ATP9B: variants seen among roughly 807,000 people sequenced by gnomAD.
The protein encoded by ATP9B is ATPase phospholipid transporting 9B.
In ATP9B, 110 loss-of-function variants were observed where a neutral mutation model predicts 146.1. The observed-to-expected ratio is 0.75, with a 90% CI of 0.65 to 0.88. ATP9B has a LOEUF of 0.88. Ranked by LOEUF, ATP9B falls within the 40% of genes least tolerant of loss-of-function variation. The pLI, the probability that ATP9B is intolerant of heterozygous loss-of-function variation, is 0.00. For synonymous variants in ATP9B, 604 were observed against 569.7 expected (o/e 1.06, Z -0.86); for missense variants, 1,499 against 1,496.4 (o/e 1.00, Z -0.03).
intron 25 of ATP9B, 125 bp from the exon 26 acceptor site, chr18:79,359,229 C>A: frequency 1.5e-6 from 1 of 661,560 alleles, no homozygotes; most frequent in Non-Finnish European, 2.6e-6. Flanking sequence ...TGCCAACTTA[C>A]TTTGTTGGTT....
intron 23 of ATP9B, among the ~76,000 whole-genome samples, chr18:79,347,447 G>A (rs991452107): frequency 6.6e-5 from 10 of 152,198 alleles, no homozygotes; most frequent in African/African-American, 2.4e-4. Flanking sequence ...CGACAGGGCG[G>A]GCCCACACTC....
intron 5 of ATP9B, among the ~76,000 whole-genome samples, chr18:79,128,561 G>A (rs987557545): frequency 3.3e-5 from 5 of 152,140 alleles, no homozygotes; most frequent in African/African-American, 1.2e-4. Context: ...GTAAGCCTTA[G>A]TATTGGAGAA....
At chr18:79,240,654 AGAATCGCTT>A (rs2095879041) in intron 11 of ATP9B, among the ~76,000 whole-genome samples, 1 of 152,236 alleles carries the variant, frequency 6.6e-6, no homozygotes, top group Non-Finnish European at 1.5e-5. Flanking sequence ...CTGAGGCAGG[AGAATCGCTT>A]GAACCTGGGA....
At chr18:79,351,434 G>A (rs2096921840) in intron 25 of ATP9B, among the ~76,000 whole-genome samples, 1 of 152,204 alleles carries the variant, frequency 6.6e-6, no homozygotes, top group African/African-American at 2.4e-5. Flanking sequence ...TCTGAATTGG[G>A]TTAGGTGGGA....
At chr18:79,162,493 C>T (rs2094898363) in intron 7 of ATP9B, among the ~76,000 whole-genome samples, 1 of 152,154 alleles carries the variant, frequency 6.6e-6, no homozygotes, top group African/African-American at 2.4e-5. Flanking sequence ...TTATAAATGT[C>T]AATATCTTTT....
chr18:79,245,121 C>G (rs762956837), intron 11 of ATP9B, among the ~76,000 whole-genome samples: 27 of 152,292 alleles, frequency 1.8e-4, no homozygotes, highest in Non-Finnish European at 3.7e-4. Context: ...GCAGAGCTTG[C>G]TGGCTTGTTT....
chr18:79,204,258 G>A (rs138343307), intron 9 of ATP9B, among the ~76,000 whole-genome samples: 32 of 152,304 alleles, frequency 2.1e-4, no homozygotes, highest in Admixed American at 7.2e-4. Flanking sequence ...TTTAAAGCCC[G>A]TAATAGTGGT....
At chr18:79,362,486 A>G (rs2096995769) in intron 26 of ATP9B, 1 of 152,248 alleles carries the variant, frequency 6.6e-6, no homozygotes, top group South Asian at 2.1e-4. Context: ...CTATTTTGTT[A>G]TTCTTTTGAA....
At chr18:79,096,007 C>T (rs998428071) in intron 1 of ATP9B, among the ~76,000 whole-genome samples, 1 of 152,214 alleles carries the variant, frequency 6.6e-6, no homozygotes, top group Admixed American at 6.5e-5. Flanking sequence ...GATGTTGATA[C>T]CTTTCAGATA....
At chr18:79,363,387 C>CGTAAACAGATGTTCATGGATTGAGACAT (rs2097002395) in intron 26 of ATP9B, 1 of 152,278 alleles carries the variant, frequency 6.6e-6, no homozygotes, top group South Asian at 2.1e-4. Flanking sequence ...GATTGAGAGA[C>CGTAAACAGATGTTCATGGATTGAGACAT]GTAAACAGAT....
chr18:79,190,531 CACACACACACACACAT>C (rs1282515899), intron 8 of ATP9B, among the ~76,000 whole-genome samples: 2 of 139,076 alleles, frequency 1.4e-5, no homozygotes, highest in African/African-American at 2.6e-5. Flanking sequence ...CACACACACA[CACACACACACACACAT>C]ATACATATAT....
Position 79,143,859 on chromosome 18 carries a change from A to G in ATP9B, c.725A>G (p.Lys242Arg). The G allele has an allele frequency of 6.4e-7, 1 of 1,565,870 alleles. No homozygotes were observed. The highest frequency in any genetic ancestry group is 8.7e-7 in the Non-Finnish European group (1 of 1,154,340). ...GTTGGAGACCTCATCATAGTGGAAA[A>G]GGTTGATGATTTTTTAATATATTTT... is the stretch of plus-strand genomic sequence containing the variant. ...IQVGDLIIVE[K>R]NQRIPSDMVF... Residue 242 changes from lysine to arginine, a missense_variant and splice_region_variant, in exon 6 of 30, where the codon AAG (lysine) becomes AGG (arginine). By Grantham distance (26) the Lys-to-Arg change is conservative (BLOSUM62 2). Transcript: ENST00000426216.
chr18:79,331,909 C>G (rs1207382057), intron 17 of ATP9B, among the ~76,000 whole-genome samples: 2 of 152,110 alleles, frequency 1.3e-5, no homozygotes, highest in African/African-American at 4.8e-5. Context: ...GTAAAGGAAA[C>G]AAGTACAGGT....
At chr18:79,164,300 G>GA (rs1254501540) in intron 7 of ATP9B, among the ~76,000 whole-genome samples, 1 of 152,154 alleles carries the variant, frequency 6.6e-6, no homozygotes, top group Non-Finnish European at 1.5e-5. Context: ...AATAACTGGA[G>GA]AATCTTTTCA....
chr18:79,253,400 A>C lies in ATP9B; in HGVS notation c.1127A>C (p.Glu376Ala), dbSNP rs1385731891. 2 of 1,610,222 alleles carry C rather than the reference A, an allele frequency of 1.2e-6. No individual in the cohort carries two copies. The highest frequency in any genetic ancestry group is 1.7e-6 in the Non-Finnish European group (2 of 1,179,074). The change falls in exon 12 of 30, where the codon GAA becomes GCA. Residue 376 changes from glutamate to alanine, a missense_variant. Glu to Ala is a moderately radical substitution (Grantham distance 107). Coordinates refer to ENST00000426216, the MANE Select transcript of ATP9B (RefSeq NM_198531.5). The stretch of plus-strand genomic sequence containing the variant: ...TTTCAGGTTGGTTTGTTGGACCTTG[A>C]ACTCAATCGGCTGACGAAAGCGCTA... ...PKNKVGLLDL[E>A]LNRLTKALFL...
At chr18:79,142,233 A>G (rs1042258745) in intron 5 of ATP9B, among the ~76,000 whole-genome samples, 4 of 152,238 alleles carry the variant, frequency 2.6e-5, no homozygotes, top group Non-Finnish European at 5.9e-5. Context: ...ATAATGCCTG[A>G]GAATTAAAGG....
chr18:79,198,025 T>G (rs999326688), intron 9 of ATP9B, among the ~76,000 whole-genome samples: 5 of 152,306 alleles, frequency 3.3e-5, no homozygotes, highest in African/African-American at 1.2e-4. Flanking sequence ...ATAATACACA[T>G]TTTTCAAAAT....
intron 9 of ATP9B, among the ~76,000 whole-genome samples, chr18:79,201,190 T>A (rs925692188): frequency 1.3e-5 from 2 of 152,150 alleles, no homozygotes; most frequent in African/African-American, 4.8e-5. Context: ...TTTCTAACAG[T>A]TTTTTTCTCA....
chr18:79,332,399 A>G (rs1230478075), intron 17 of ATP9B, among the ~76,000 whole-genome samples: 2 of 152,270 alleles, frequency 1.3e-5, no homozygotes, highest in Admixed American at 6.5e-5. Flanking sequence ...ACTGCACTCC[A>G]GCCTGGGCGA....
Sources: gnomAD v4.1 joint callset for allele counts (sites outside exome capture counted in the v4.1 genomes callset) on GRCh38, gnomAD v4.1.1 for gene constraint, MANE v1.5 for transcripts, NCBI Gene and HGNC (gene_info 2026-07-23, HGNC 2026-07-21) for gene names.